The following GUCY1A2 variants were observed in gnomAD, a reference collection of about 807,000 sequenced individuals.
GUCY1A2 encodes guanylate cyclase soluble subunit alpha-2.
Under a neutral mutation model 63.5 loss-of-function variants are expected in GUCY1A2, and 27 were observed. The ratio of observed to expected loss-of-function variants is 0.43; its 90% confidence interval spans 0.31 to 0.59. GUCY1A2 has a LOEUF of 0.59. Among genes scored for constraint, GUCY1A2 ranks in the 20% least tolerant of loss-of-function variants. GUCY1A2 has a pLI of 0.11. For synonymous variants in GUCY1A2, 364 were observed against 343.5 expected, an observed-to-expected ratio of 1.06 and a Z score of -0.66; for missense variants, 768 against 913.3, an observed-to-expected ratio of 0.84 and a Z score of 2.05.
intron 4 of GUCY1A2, among the ~76,000 whole-genome samples, chr11:106,916,651 C>G (rs74960175): frequency 0.021 from 3,040 of 144,990 alleles, 441 homozygotes; most frequent in Non-Finnish European, 0.036. Context: ...AGGTAGTATA[C>G]CAAAATTTAC....
rs1208319512 is a variant in GUCY1A2, at chr11:106,709,530, A to T, written c.1837-864T>A. Among the ~76,000 whole-genome samples the T allele has an allele frequency of 3.1e-3, 255 of 82,660 alleles. 29 individuals are homozygous for T. Among genetic ancestry groups the T allele is most frequent in the Non-Finnish European group, 4.1e-3 (203 of 49,382 alleles). The allele number at this position is 82,660 out of a possible 152,430, so 54.2% of individuals were successfully genotyped here. ...TATATTATTCTATAAATATAATAAT[A>T]ATATAATATATTATATTATTATATA... is the stretch of plus-strand genomic sequence containing the variant. On this transcript the variant is annotated intron_variant, in intron 6 of 7. Coordinates refer to ENST00000526355, the MANE Select transcript of GUCY1A2 (RefSeq NM_000855.3).
intron 6 of GUCY1A2, among the ~76,000 whole-genome samples, chr11:106,748,788 T>C (rs1486366359): frequency 6.6e-6 from 1 of 150,856 alleles, no homozygotes; most frequent in Non-Finnish European, 1.5e-5. Flanking sequence ...GCCAATGTTT[T>C]CCAAACCATG....
At chr11:106,910,430 A>T (rs1479593770) in intron 4 of GUCY1A2, among the ~76,000 whole-genome samples, 1 of 152,056 alleles carries the variant, frequency 6.6e-6, no homozygotes, top group Non-Finnish European at 1.5e-5. Flanking sequence ...TTTTTTGTAA[A>T]CAGGAAAAAA....
chr11:107,014,036 T>C (rs1436070387), intron 1 of GUCY1A2, among the ~76,000 whole-genome samples: 1 of 151,390 alleles, frequency 6.6e-6, no homozygotes, highest in Non-Finnish European at 1.5e-5. Context: ...AGTAAACTAC[T>C]TTCCTCAAAA....
chr11:106,891,618 GT>G (rs1859975864), intron 4 of GUCY1A2, among the ~76,000 whole-genome samples: 1 of 151,984 alleles, frequency 6.6e-6, no homozygotes, highest in African/African-American at 2.4e-5. Context: ...ATAGGTTCAA[GT>G]TTGTTTTTCC....
intron 4 of GUCY1A2, among the ~76,000 whole-genome samples, chr11:106,841,277 C>T (rs749622932): frequency 6.6e-6 from 1 of 151,844 alleles, no homozygotes; most frequent in Non-Finnish European, 1.5e-5. Context: ...TTAAATGCTT[C>T]GAGGAGGCTT....
At chr11:106,879,938 C>A (rs1037014325) in intron 4 of GUCY1A2, among the ~76,000 whole-genome samples, 1 of 152,028 alleles carries the variant, frequency 6.6e-6, no homozygotes, top group Non-Finnish European at 1.5e-5. Context: ...AAAAATTGAT[C>A]GTTATATTGT....
intron 6 of GUCY1A2, among the ~76,000 whole-genome samples, chr11:106,715,313 C>T (rs954984980): frequency 9.9e-5 from 15 of 152,114 alleles, no homozygotes; most frequent in Admixed American, 9.2e-4. Context: ...ATTAGGAGGG[C>T]GGCACAGATC....
rs868584030 is a variant in GUCY1A2 at position 106,773,248 on chromosome 11, T to G, written c.1836+3191A>C. Among the ~76,000 whole-genome samples, 17 of 152,298 alleles carry G rather than the reference T, an allele frequency of 1.1e-4. No homozygotes were observed. The Middle Eastern group carries it at 0.017, about 152-fold the overall frequency. ...TTTCTAAATAGAATTGTTTCCATTTTTCCAGTTTTAAACTTTAGTTAAGTG... is the reference window on the plus strand; with the variant it reads ...TTTCTAAATAGAATTGTTTCCATTTGTCCAGTTTTAAACTTTAGTTAAGTG... On this transcript the variant is annotated intron_variant, in intron 6 of 7. Transcript: ENST00000526355.
At chr11:106,937,634 A>G (rs1405669367) in intron 4 of GUCY1A2, among the ~76,000 whole-genome samples, 1 of 152,228 alleles carries the variant, frequency 6.6e-6, no homozygotes, top group Non-Finnish European at 1.5e-5. Flanking sequence ...CTCGTTTTAA[A>G]GCATCTACAA....
intron 4 of GUCY1A2, among the ~76,000 whole-genome samples, chr11:106,905,064 G>T (rs2119840801): frequency 6.6e-6 from 1 of 152,190 alleles, no homozygotes; most frequent in Non-Finnish European, 1.5e-5. Context: ...GCCTAACCAT[G>T]AATGTAAGGC....
intron 6 of GUCY1A2, among the ~76,000 whole-genome samples, chr11:106,718,116 A>G (rs554302232): frequency 2.6e-5 from 4 of 152,326 alleles, no homozygotes; most frequent in East Asian, 1.9e-4. Context: ...TAAGACAAAC[A>G]GCACTTTGGG....
In GUCY1A2 at chr11:106,745,276, G is replaced by A. The variant is rs188612772; in HGVS notation, c.1836+31163C>T. On this transcript the variant is annotated intron_variant, in intron 6 of 7. Coordinates refer to ENST00000526355, the MANE Select transcript of GUCY1A2 (RefSeq NM_000855.3). Reference sequence around the variant, plus strand: ...TTACTAAACCCCACAGTGTTCTAGGGTAATGTGTAGTGACATGTGTGAATG... The same window carrying A: ...TTACTAAACCCCACAGTGTTCTAGGATAATGTGTAGTGACATGTGTGAATG... Among the ~76,000 whole-genome samples the A allele has an allele frequency of 1.7e-3, 259 of 152,170 alleles. 2 individuals are homozygous for A. The highest frequency in any genetic ancestry group is 5.0e-3 in the Admixed American group (76 of 15,290).
intron 1 of GUCY1A2, among the ~76,000 whole-genome samples, chr11:107,013,432 A>G (rs905490574): frequency 2.0e-5 from 3 of 152,238 alleles, no homozygotes; most frequent in Non-Finnish European, 4.4e-5. Flanking sequence ...TTCACCCTTG[A>G]TGTGAAATCC....
rs138741193 is a variant in GUCY1A2, at chr11:106,902,428, G to A, written c.1206+37032C>T. On this transcript the variant is annotated intron_variant, in intron 4 of 7. Transcript: ENST00000526355. Reference sequence around the variant, plus strand: ...CACCAGCTGCATTAGCTCCTAACAAGAGAAACCATCTTTTGAAGTTTTGAC... The same window carrying A: ...CACCAGCTGCATTAGCTCCTAACAAAAGAAACCATCTTTTGAAGTTTTGAC... 1.5e-3 allele frequency among the ~76,000 whole-genome samples: 224 copies of A among 152,276 alleles called. 7 individuals are homozygous for A. The East Asian group carries it at 0.041, about 28-fold the overall frequency.
At chr11:106,865,649 G>A (rs1049596663) in intron 4 of GUCY1A2, among the ~76,000 whole-genome samples, 14 of 151,902 alleles carry the variant, frequency 9.2e-5, no homozygotes, top group African/African-American at 3.4e-4. Context: ...TTGCCTGTCA[G>A]CGGGTGAGGG....
At chr11:106,728,510 T>A (rs1043311873) in intron 6 of GUCY1A2, among the ~76,000 whole-genome samples, 3 of 152,188 alleles carry the variant, frequency 2.0e-5, no homozygotes, top group Admixed American at 1.3e-4. Flanking sequence ...TCCCAAAAAA[T>A]GTTTATCTAA....
chr11:106,782,100 T>G (rs1022543572), intron 5 of GUCY1A2, among the ~76,000 whole-genome samples: 3 of 152,292 alleles, frequency 2.0e-5, no homozygotes, highest in South Asian at 2.1e-4. Flanking sequence ...ATTAGGCAAT[T>G]AACCATCCCT....
At chr11:106,749,777 C>T (rs1299666857) in intron 6 of GUCY1A2, among the ~76,000 whole-genome samples, 1 of 152,076 alleles carries the variant, frequency 6.6e-6, no homozygotes, top group East Asian at 1.9e-4. Flanking sequence ...TCTTCACTCT[C>T]ATTCCTGACC....
Sources: allele counts gnomAD v4.1 joint callset (sites outside exome capture counted in the v4.1 genomes callset), GRCh38; gene constraint gnomAD v4.1.1; transcripts MANE v1.5; gene names NCBI Gene and HGNC (gene_info 2026-07-23, HGNC 2026-07-21).